PKD1L3: variants seen among roughly 807,000 people sequenced by gnomAD.
PKD1L3 encodes polycystin-1-like protein 3.
A neutral mutation model predicts 184.1 loss-of-function variants in PKD1L3; 239 were observed. The ratio of observed to expected loss-of-function variants is 1.30; its 90% confidence interval spans 1.17 to 1.45. The LOEUF (loss-of-function observed/expected upper bound fraction) is 1.45, where lower values mean the gene tolerates loss of function less well. PKD1L3 is among the 40% of genes most tolerant of loss of function. PKD1L3 has a pLI of 0.00. For missense variants in PKD1L3, 2,660 were observed against 2,067.2 expected, an observed-to-expected ratio of 1.29 and a Z score of -5.56; for synonymous variants, 996 against 778.8, an observed-to-expected ratio of 1.28 and a Z score of -4.64.
Position 71,954,194 on chromosome 16 carries a change from G to C in PKD1L3, c.2720C>G (p.Ser907Cys). 1 of 1,551,858 alleles carries C rather than the reference G, an allele frequency of 6.4e-7. No individual in the cohort carries two copies. The highest frequency in any genetic ancestry group is 1.7e-4 in the Middle Eastern group (1 of 5,994). Reference protein sequence around the residue: ...WNQFTRVQRLSCCMTLLLCNM... With the variant: ...WNQFTRVQRLCCCMTLLLCNM... The stretch of plus-strand genomic sequence containing the variant: ...GCAGAGTAGCAGTGTCATGCAGCAA[G>C]ACAGCCGTTGGACCCTTGTAAACTG... Residue 907 changes from serine (S) to cysteine (C), a missense_variant, in exon 17 of 30, where the codon TCT (serine) becomes TGT (cysteine). Ser to Cys is a moderately radical substitution (Grantham distance 112). Coordinates refer to ENST00000620267, the MANE Select transcript of PKD1L3 (RefSeq NM_181536.2).
In PKD1L3 at chr16:71,973,462, G is replaced by C. The variant is rs754281810; in HGVS notation, c.1815C>G (p.Thr605=). The change falls in exon 12 of 30, where the codon ACC becomes ACG. Residue 605 remains threonine (T), a synonymous_variant. Transcript: ENST00000620267. ...NPEHLQHGIG[T]YYITAVLSER... is the part of the protein sequence containing the mutation. ...CACTCAGCACAGCTGTTATATAGTAGGTGCCAATCCCGTGCTGCAGATGCT... is the reference window on the plus strand; with the variant it reads ...CACTCAGCACAGCTGTTATATAGTACGTGCCAATCCCGTGCTGCAGATGCT... 2.1e-5 allele frequency: 32 copies of C among 1,551,662 alleles called. No homozygotes were observed. Among genetic ancestry groups the C allele is most frequent in the Non-Finnish European group, 2.7e-5 (31 of 1,147,038 alleles).
intron 19 of PKD1L3, among the ~76,000 whole-genome samples, chr16:71,951,214 A>G (rs2038819749): frequency 6.6e-6 from 1 of 151,564 alleles, no homozygotes. Flanking sequence ...TAATTTTTGT[A>G]TTTTTAGTAG....
rs1207608475 is a variant in PKD1L3, at chr16:71,942,802, C to T, written c.4082G>A (p.Cys1361Tyr). 1 of 1,551,586 alleles carries T rather than the reference C, an allele frequency of 6.4e-7. No individual in the cohort carries two copies. Among genetic ancestry groups the T allele is most frequent in the Admixed American group, 2.0e-5 (1 of 50,990 alleles). The change falls in exon 24 of 30, where the codon TGT (cysteine) becomes TAT (tyrosine). Residue 1361 changes from cysteine (C) to tyrosine (Y), a missense_variant. By Grantham distance (194) the Cys-to-Tyr change is radical (BLOSUM62 -2). Coordinates refer to ENST00000620267, the MANE Select transcript of PKD1L3 (RefSeq NM_181536.2). ...TATTTGGAAAATTAATTGTACCCCA[C>T]ATTTGCAATGACTGGGCTCCAGGAC... Reference protein sequence around the residue: ...NAVLEPSHCKCGVQLIFQIPR... With the variant: ...NAVLEPSHCKYGVQLIFQIPR...
chr16:71,963,152 C>A, intron 16 of PKD1L3, 53 bp downstream of exon 16: 1 of 1,442,230 alleles, frequency 6.9e-7, no homozygotes, highest in Non-Finnish European at 9.3e-7. Flanking sequence ...GTGAACAATT[C>A]AATTAATAGT....
chr16:71,978,372 TA>T lies in PKD1L3; in HGVS notation c.1409del (p.Leu470GlnfsTer23). On this transcript the variant is annotated frameshift_variant, in exon 10 of 30. Transcript: ENST00000620267. LOFTEE classifies it high-confidence loss of function. Reference sequence around the variant, plus strand: ...CCAAATCCTTGAAGGGATTGAAAGCTAGTCCTGTTATCTAAAGACAAAGAGA... The same window carrying T: ...CCAAATCCTTGAAGGGATTGAAAGCTGTCCTGTTATCTAAAGACAAAGAGA... ...HPGVNVQITG[L>X]AFNPFKDLDN... 2 of 1,548,924 alleles carry T rather than the reference TA, an allele frequency of 1.3e-6. No individual in the cohort carries two copies. The highest frequency in any genetic ancestry group is 1.7e-6 in the Non-Finnish European group (2 of 1,145,262).
rs190869506 is a variant in PKD1L3, at chr16:71,982,346, C to T, written c.967-111G>A. 3.9e-3 allele frequency: 3,648 copies of T among 936,822 alleles called. 11 individuals are homozygous for T. Among genetic ancestry groups the T allele is most frequent in the Middle Eastern group, 0.012 (36 of 2,994 alleles). The allele number at this position is 936,822 out of a possible 1,614,324, so 58.0% of individuals were successfully genotyped here. A position where few individuals can be genotyped will look rare whatever the true frequency, so the allele number is the denominator to read the frequency against. The stretch of plus-strand genomic sequence containing the variant: ...TGTTGCCCAGGCTAGAGTGCAATGG[C>T]GTGATATCGACTCACTGCAACCTCT... On this transcript the variant is annotated intron_variant, in intron 6 of 29. Transcript: ENST00000620267.
In PKD1L3 at chr16:71,942,986, A is replaced by T; in HGVS notation, c.3898T>A (p.Tyr1300Asn). Residue 1300 changes from tyrosine to asparagine, a missense_variant, in exon 24 of 30, where the codon TAC becomes AAC. Physicochemically the swap from Tyr to Asn is moderately radical, Grantham distance 143 (BLOSUM62 -2). Coordinates refer to ENST00000620267, the MANE Select transcript of PKD1L3 (RefSeq NM_181536.2). ...AATCTATTGGAGTTCTTTGCAGAGT[A>T]GATTGCAGTCATCAACAGGGTAAGG... is the stretch of plus-strand genomic sequence containing the variant. ...LFLTLLMTAI[Y>N]SAKNSNRFYL... 1 of 1,551,558 alleles carries T rather than the reference A, an allele frequency of 6.4e-7. No individual in the cohort carries two copies. The highest frequency in any genetic ancestry group is 8.7e-7 in the Non-Finnish European group (1 of 1,146,902).
chr16:71,986,869 G>A (rs1382874146), intron 4 of PKD1L3, among the ~76,000 whole-genome samples: 1 of 148,864 alleles, frequency 6.7e-6, no homozygotes, highest in Non-Finnish European at 1.5e-5. Context: ...ATGCTAAGCA[G>A]AGAGAAAGTG....
chr16:71,930,012 G>A, intron 29 of PKD1L3, 40 bp downstream of exon 29: 1 of 1,523,892 alleles, frequency 6.6e-7, no homozygotes, highest in African/African-American at 1.4e-5. Context: ...AGCTTTCCCA[G>A]TGATATAACA....
At position 71,993,864 on chromosome 16, in the gene PKD1L3, T is replaced by A. The variant is rs370754650; in HGVS notation, c.419-532A>T. On this transcript the variant is annotated intron_variant, in intron 2 of 29. Coordinates refer to ENST00000620267, the MANE Select transcript of PKD1L3 (RefSeq NM_181536.2). ...ATCTGGGCTCACTGCAATCTGCACCTTCTGGGTTCAAGTGATTCTCCTGCC... is the reference window on the plus strand; with the variant it reads ...ATCTGGGCTCACTGCAATCTGCACCATCTGGGTTCAAGTGATTCTCCTGCC... 2.9e-3 allele frequency among the ~76,000 whole-genome samples: 436 copies of A among 152,334 alleles called. 3 individuals are homozygous for A. Among genetic ancestry groups the A allele is most frequent in the African/African-American group, 0.01 (416 of 41,574 alleles).
At position 71,959,376 on chromosome 16, in the gene PKD1L3, C is replaced by T. The variant is rs1328824775; in HGVS notation, c.2612+3829G>A. Among the ~76,000 whole-genome samples the T allele has an allele frequency of 4.6e-5, 7 of 151,984 alleles. No individual in the cohort carries two copies. In the East Asian group the frequency reaches 1.4e-3, roughly 29 times the overall value. On this transcript the variant is annotated intron_variant, in intron 16 of 29. Coordinates refer to ENST00000620267, the MANE Select transcript of PKD1L3 (RefSeq NM_181536.2). Reference sequence around the variant, plus strand: ...GGTGAGCTGAGATCGTGCCATTGTACTCCAGCCTGGGCAACAAGAGCAAAA... The same window carrying T: ...GGTGAGCTGAGATCGTGCCATTGTATTCCAGCCTGGGCAACAAGAGCAAAA...
Position 71,942,875 on chromosome 16 carries a change from G to A in PKD1L3, c.4009C>T (p.His1337Tyr). 1 of 1,551,648 alleles carries A rather than the reference G, an allele frequency of 6.4e-7. No homozygotes were observed. Among genetic ancestry groups the A allele is most frequent in the Non-Finnish European group, 8.7e-7 (1 of 1,146,950 alleles). Residue 1337 changes from histidine to tyrosine, a missense_variant, in exon 24 of 30, where the codon CAT becomes TAT. Coordinates refer to ENST00000620267, the MANE Select transcript of PKD1L3 (RefSeq NM_181536.2). ...LLQDFYPWAN[H>Y]ILLPSLYGDY... is the part of the protein sequence containing the mutation. ...CCATACAGGCTAGGAAGAAGGATAT[G>A]ATTGGCCCAGGGGTAGAAATCCTGA...
chr16:71,961,230 T>G (rs1338694610), intron 16 of PKD1L3, among the ~76,000 whole-genome samples: 2 of 151,962 alleles, frequency 1.3e-5, no homozygotes, highest in Non-Finnish European at 2.9e-5. Flanking sequence ...GGGTTCAACT[T>G]CCCTGCCTCA....
rs185115618 is a variant in PKD1L3, at chr16:71,986,578, T to A, written c.586-109A>T. 2.4e-6 allele frequency: 3 copies of A among 1,239,462 alleles called. No homozygotes were observed. The East Asian group carries it at 7.8e-5, about 32-fold the overall frequency. The allele number at this position is 1,239,462 out of a possible 1,614,324, so 76.8% of individuals were successfully genotyped here. A position where few individuals can be genotyped will look rare whatever the true frequency, so the allele number is the denominator to read the frequency against. ...GAAACTCTGTCCTATGAGATACTAA[T>A]AGGCATTTCTGTTAAAAAAAATTCT... is the stretch of plus-strand genomic sequence containing the variant. On this transcript the variant is annotated intron_variant, in intron 4 of 29. Transcript: ENST00000620267.
In PKD1L3 at chr16:71,977,379, G is replaced by C. The variant is rs1363345365; in HGVS notation, c.1616C>G (p.Thr539Ser). ...CACTATCAAGGATTTCTCCAAGGAA[G>C]TGACGTTCACTGTGATTGTAAGCTG... ...THQLTITVNV[T>S]SLEKSLIVSI... Residue 539 changes from threonine to serine, a missense_variant, in exon 11 of 30, where the codon ACT becomes AGT. Thr to Ser is a moderately conservative substitution (Grantham distance 58). Transcript: ENST00000620267. The C allele has an allele frequency of 3.9e-6, 6 of 1,551,152 alleles. No homozygotes were observed. The highest frequency in any genetic ancestry group is 1.4e-5 in the African/African-American group (1 of 73,020).
At chr16:71,945,042 G>C (rs1274255808) in intron 22 of PKD1L3, among the ~76,000 whole-genome samples, 2 of 143,506 alleles carry the variant, frequency 1.4e-5, no homozygotes, top group African/African-American at 5.1e-5. Context: ...TTGATAATTA[G>C]ATTTAGTACA....
chr16:71,986,123 G>C, intron 5 of PKD1L3, 98 bp downstream of exon 5: 1 of 1,430,902 alleles, frequency 7.0e-7, no homozygotes, highest in Non-Finnish European at 9.4e-7. Flanking sequence ...TGGTCTGTCA[G>C]GCATTCTTAG....
At chr16:71,958,052 T>A (rs1004807438) in intron 16 of PKD1L3, among the ~76,000 whole-genome samples, 1 of 152,106 alleles carries the variant, frequency 6.6e-6, no homozygotes, top group African/African-American at 2.4e-5. Flanking sequence ...TAACAAAAAA[T>A]TTCTATCCAC....
At chr16:71,999,654 C>T (rs777194919) in intron 1 of PKD1L3, 30 bp downstream of exon 1, 7 of 1,428,094 alleles carry the variant, frequency 4.9e-6, no homozygotes, top group Non-Finnish European at 5.5e-6. Context: ...AGGAAGTTTC[C>T]TTCATAAACA....
Sources: allele counts gnomAD v4.1 joint callset (sites outside exome capture counted in the v4.1 genomes callset), GRCh38; gene constraint gnomAD v4.1.1; transcripts MANE v1.5; gene names NCBI Gene and HGNC (gene_info 2026-07-23, HGNC 2026-07-21).